CNTNAP2: variants seen among roughly 807,000 people sequenced by gnomAD.
The protein encoded by CNTNAP2 is contactin-associated protein-like 2.
CNTNAP2 carries 98 observed loss-of-function variants against 155.2 expected under a neutral mutation model. The observed-to-expected ratio is 0.63, with a 90% CI of 0.54 to 0.75. The LOEUF is 0.75. Ranked by LOEUF, CNTNAP2 falls within the 30% of genes least tolerant of loss-of-function variation. The probability of loss-of-function intolerance (pLI) is 0.00; values close to 1 mark genes in which losing one functional copy is unlikely to be tolerated. For synonymous variants in CNTNAP2, 651 were observed against 631.2 expected (o/e 1.03, Z -0.47); for missense variants, 1,727 against 1,688.1 (o/e 1.02, Z -0.40).
intron 13 of CNTNAP2, among the ~76,000 whole-genome samples, chr7:147,773,027 C>A (rs1253918289): frequency 6.6e-6 from 1 of 152,112 alleles, no homozygotes; most frequent in Non-Finnish European, 1.5e-5. Flanking sequence ...CAGTCTCTAC[C>A]AGATTTTCAG....
At chr7:147,357,297 G>A (rs1359658898) in intron 9 of CNTNAP2, among the ~76,000 whole-genome samples, 1 of 151,992 alleles carries the variant, frequency 6.6e-6, no homozygotes, top group Admixed American at 6.6e-5. Flanking sequence ...CCTGCATCTA[G>A]ACTGGGTCGT....
At chr7:147,248,149 G>A (rs575744956) in intron 8 of CNTNAP2, among the ~76,000 whole-genome samples, 7 of 152,280 alleles carry the variant, frequency 4.6e-5, no homozygotes, top group South Asian at 4.1e-4. Flanking sequence ...AACTGCTTCC[G>A]AAAAGGTTAT....
intron 21 of CNTNAP2, among the ~76,000 whole-genome samples, chr7:148,337,415 A>G (rs2116573895): frequency 6.6e-6 from 1 of 152,240 alleles, no homozygotes; most frequent in South Asian, 2.1e-4. Context: ...ACAATCACCC[A>G]GGAAGCTCCT....
At position 148,365,714 on chromosome 7, in the gene CNTNAP2, A is replaced by ATGTATACTTTTATATATG. The variant is rs1798727507; in HGVS notation, c.3476-17928_3476-17927insTTTTATATATGTGTATAC. On this transcript the variant is annotated intron_variant, in intron 21 of 23. Coordinates refer to ENST00000361727, the MANE Select transcript of CNTNAP2 (RefSeq NM_014141.6). ...TGTATATATGTATACTTTTATATAT[A>ATGTATACTTTTATATATG]TGTATACGTGTATATATGTATGTGT... 1.2e-4 allele frequency among the ~76,000 whole-genome samples: 6 copies of ATGTATACTTTTATATATG among 48,366 alleles called. 1 individual carries two copies. The highest frequency in any genetic ancestry group is 3.6e-4 in the African/African-American group (6 of 16,548). 31.7% of individuals were successfully genotyped at this position (48,366 alleles called of 152,430 possible).
intron 13 of CNTNAP2, among the ~76,000 whole-genome samples, chr7:147,674,045 A>G (rs1161114516): frequency 6.6e-6 from 1 of 152,154 alleles, no homozygotes; most frequent in African/African-American, 2.4e-5. Flanking sequence ...GGTGTAATAA[A>G]CAAGAGACAC....
At chr7:147,685,032 A>T (rs1168458316) in intron 13 of CNTNAP2, among the ~76,000 whole-genome samples, 1 of 151,826 alleles carries the variant, frequency 6.6e-6, no homozygotes, top group Non-Finnish European at 1.5e-5. Context: ...CTGAAGTATC[A>T]TTTCTTCACA....
chr7:146,177,675 C>G (rs1371301487), intron 1 of CNTNAP2, among the ~76,000 whole-genome samples: 2 of 152,150 alleles, frequency 1.3e-5, no homozygotes, highest in Non-Finnish European at 2.9e-5. Flanking sequence ...GTTGACTTCC[C>G]AATGTCTTCT....
At chr7:146,918,365 A>G (rs1362666651) in intron 3 of CNTNAP2, among the ~76,000 whole-genome samples, 2 of 152,082 alleles carry the variant, frequency 1.3e-5, no homozygotes, top group Non-Finnish European at 2.9e-5. Context: ...CAGTTCTTAT[A>G]GTGCTGGCTT....
chr7:147,256,444 G>A (rs1804329739), intron 8 of CNTNAP2, among the ~76,000 whole-genome samples: 2 of 152,136 alleles, frequency 1.3e-5, no homozygotes, highest in African/African-American at 2.4e-5. Flanking sequence ...TGTAAAAATG[G>A]CATGATAAGC....
chr7:147,417,596 A>T (rs563975612), intron 10 of CNTNAP2, among the ~76,000 whole-genome samples: 30 of 152,084 alleles, frequency 2.0e-4, no homozygotes, highest in Non-Finnish European at 1.2e-4. Flanking sequence ...TACAAAGAAA[A>T]CGTTAAATTT....
chr7:148,062,377 C>T (rs1360374642), intron 15 of CNTNAP2, among the ~76,000 whole-genome samples: 1 of 152,094 alleles, frequency 6.6e-6, no homozygotes, highest in Non-Finnish European at 1.5e-5. Flanking sequence ...TCGCAAAATA[C>T]TCTCAAAATA....
At chr7:146,427,184 AGTTTCACCTCCAAG>A (rs915682847) in intron 1 of CNTNAP2, among the ~76,000 whole-genome samples, 11 of 152,194 alleles carry the variant, frequency 7.2e-5, no homozygotes. Flanking sequence ...ATCGCTTTTA[AGTTTCACCTCCAAG>A]GTCATATTTA....
chr7:147,880,033 C>A (rs1585007282), intron 13 of CNTNAP2, among the ~76,000 whole-genome samples: 1 of 152,202 alleles, frequency 6.6e-6, no homozygotes, highest in African/African-American at 2.4e-5. Flanking sequence ...CTCCAATATT[C>A]CTCTCCTAGA....
At chr7:146,378,070 G>GC (rs1291459151) in intron 1 of CNTNAP2, among the ~76,000 whole-genome samples, 1 of 152,158 alleles carries the variant, frequency 6.6e-6, no homozygotes, top group Non-Finnish European at 1.5e-5. Flanking sequence ...ATAAGGGCAT[G>GC]CATTGTATAT....
At chr7:146,983,431 C>A (rs1356036782) in intron 3 of CNTNAP2, among the ~76,000 whole-genome samples, 1 of 151,964 alleles carries the variant, frequency 6.6e-6, no homozygotes, top group African/African-American at 2.4e-5. Flanking sequence ...ACAAAAAAAA[C>A]AGAACAAAAC....
chr7:148,030,064 T>C (rs1802446817), intron 15 of CNTNAP2, among the ~76,000 whole-genome samples: 1 of 152,216 alleles, frequency 6.6e-6, no homozygotes, highest in Admixed American at 6.5e-5. Flanking sequence ...CCCATTTGAG[T>C]ATGCCAGGAA....
rs386411606 is a variant in CNTNAP2, at chr7:147,950,364, C to CAAAAAAAAAAAAAAAAAAAAAAAAA, written c.2256-27493_2256-27469dup. On this transcript the variant is annotated intron_variant, in intron 14 of 23. Transcript: ENST00000361727. ...AGCTTAAGCTATACACATAGAGAGGCAAAAAAAAAAAAAAAAAAAAAAAAA... is the reference window on the plus strand; with the variant it reads ...AGCTTAAGCTATACACATAGAGAGGCAAAAAAAAAAAAAAAAAAAAAAAAAAAAAAAAAAAAAAAAAAAAAAAAAA... 7.2e-5 allele frequency among the ~76,000 whole-genome samples: 4 copies of CAAAAAAAAAAAAAAAAAAAAAAAAA among 55,782 alleles called. 1 individual carries two copies. The highest frequency in any genetic ancestry group is 9.8e-5 in the African/African-American group (1 of 10,156). 36.6% of individuals were successfully genotyped at this position (55,782 alleles called of 152,430 possible). A position where few individuals can be genotyped will look rare whatever the true frequency, so the allele number is the denominator to read the frequency against.
intron 12 of CNTNAP2, among the ~76,000 whole-genome samples, chr7:147,596,162 A>T (rs1255624827): frequency 1.3e-5 from 2 of 152,180 alleles, no homozygotes; most frequent in Non-Finnish European, 2.9e-5. Context: ...TCCACCAGGA[A>T]AATGTGTTCT....
intron 1 of CNTNAP2, among the ~76,000 whole-genome samples, chr7:146,495,220 G>T (rs912992904): frequency 6.6e-6 from 1 of 152,278 alleles, no homozygotes; most frequent in South Asian, 2.1e-4. Context: ...CTGGATCCAA[G>T]GGAGAGAACA....
Sources: allele counts gnomAD v4.1 joint callset (sites outside exome capture counted in the v4.1 genomes callset), GRCh38; gene constraint gnomAD v4.1.1; transcripts MANE v1.5; gene names NCBI Gene and HGNC (gene_info 2026-07-23, HGNC 2026-07-21).